Variants in GRM8 observed in about 807,000 individuals in gnomAD.
The protein encoded by GRM8 is metabotropic glutamate receptor 8.
In GRM8, 47 loss-of-function variants were observed where a neutral mutation model predicts 87.2. The observed-to-expected ratio is 0.54, with a 90% CI of 0.43 to 0.69. The LOEUF is 0.69. GRM8 is among the 30% of genes least tolerant of loss of function. The pLI, the probability that GRM8 is intolerant of heterozygous loss-of-function variation, is 0.00. For missense variants in GRM8, 1,019 were observed against 1,139.2 expected, an observed-to-expected ratio of 0.89 and a Z score of 1.52; for synonymous variants, 396 against 404.5, an observed-to-expected ratio of 0.98 and a Z score of 0.25.
chr7:127,096,355 T>C (rs943000309), intron 3 of GRM8, among the ~76,000 whole-genome samples: 2 of 151,476 alleles, frequency 1.3e-5, no homozygotes, highest in African/African-American at 4.9e-5. Context: ...AGGTCAGGAG[T>C]TCAAGACCAG....
chr7:126,892,378 C>T (rs1801125956), intron 6 of GRM8, among the ~76,000 whole-genome samples: 1 of 152,064 alleles, frequency 6.6e-6, no homozygotes, highest in Non-Finnish European at 1.5e-5. Context: ...TGAGTGAGAA[C>T]ACGCGGTGTT....
chr7:127,015,215 A>G lies in GRM8; in HGVS notation c.727+91281T>C, dbSNP rs555218761. ...GAAGAAGAAGAAGAAGAAGAAGAAG[A>G]AGAAGAAGAAGAAGAAGAAGAAGAA... On this transcript the variant is annotated intron_variant, in intron 3 of 10. Transcript: ENST00000339582. Among the ~76,000 whole-genome samples the G allele has an allele frequency of 1.0e-3, 141 of 134,730 alleles. 2 individuals are homozygous for G. The highest frequency in any genetic ancestry group is 3.7e-3 in the African/African-American group (124 of 33,850). 88.4% of individuals were successfully genotyped at this position (134,730 alleles called of 152,430 possible).
chr7:127,158,220 C>T (rs984713269), intron 2 of GRM8, among the ~76,000 whole-genome samples: 1 of 152,138 alleles, frequency 6.6e-6, no homozygotes, highest in African/African-American at 2.4e-5. Flanking sequence ...AGAGAGTACA[C>T]CATTGAGACC....
intron 7 of GRM8, among the ~76,000 whole-genome samples, chr7:126,727,193 T>C (rs1813088645): frequency 6.6e-6 from 1 of 151,862 alleles, no homozygotes; most frequent in Non-Finnish European, 1.5e-5. Context: ...TATATCAATA[T>C]ATAGGTTCAA....
chr7:126,905,927 A>G (rs1441444823), intron 3 of GRM8, among the ~76,000 whole-genome samples: 1 of 152,194 alleles, frequency 6.6e-6, no homozygotes, highest in Non-Finnish European at 1.5e-5. Context: ...ATCATGGCCT[A>G]TGGTAGAGAC....
intron 8 of GRM8, among the ~76,000 whole-genome samples, chr7:126,564,876 C>T (rs948941928): frequency 6.6e-6 from 1 of 152,144 alleles, no homozygotes; most frequent in Non-Finnish European, 1.5e-5. Context: ...GGATCATACA[C>T]CATGGCCAAT....
At chr7:126,971,755 C>T (rs1242074608) in intron 3 of GRM8, among the ~76,000 whole-genome samples, 1 of 152,058 alleles carries the variant, frequency 6.6e-6, no homozygotes, top group Non-Finnish European at 1.5e-5. Flanking sequence ...GTATAGAGAC[C>T]AAATAGCAAC....
intron 3 of GRM8, among the ~76,000 whole-genome samples, chr7:127,012,099 G>A (rs954236303): frequency 2.0e-5 from 3 of 152,086 alleles, no homozygotes; most frequent in African/African-American, 7.2e-5. Context: ...AGCTCTCTGC[G>A]CTTAACTGTC....
intron 3 of GRM8, among the ~76,000 whole-genome samples, chr7:127,056,126 TTTAAG>T (rs113150720): frequency 0.08 from 12,131 of 152,218 alleles, 517 homozygotes; most frequent in South Asian, 0.13. Context: ...GTTTCATTAA[TTTAAG>T]TTATTTCAGG....
intron 7 of GRM8, among the ~76,000 whole-genome samples, chr7:126,690,305 G>T (rs1435403929): frequency 6.6e-6 from 1 of 152,230 alleles, no homozygotes; most frequent in Non-Finnish European, 1.5e-5. Context: ...AGGGGTATGT[G>T]AGCAAGCAAG....
chr7:126,941,031 G>A (rs191381678), intron 3 of GRM8, among the ~76,000 whole-genome samples: 7 of 152,226 alleles, frequency 4.6e-5, no homozygotes, highest in East Asian at 3.9e-4. Flanking sequence ...AATCATCTCC[G>A]CAGCAGGTTT....
At chr7:126,631,268 A>G (rs1328590036) in intron 7 of GRM8, among the ~76,000 whole-genome samples, 1 of 152,132 alleles carries the variant, frequency 6.6e-6, no homozygotes, top group Non-Finnish European at 1.5e-5. Flanking sequence ...ATCATGTATG[A>G]ACTCCCTTTC....
chr7:127,044,010 C>T (rs1818690967), intron 3 of GRM8, among the ~76,000 whole-genome samples: 2 of 152,136 alleles, frequency 1.3e-5, no homozygotes, highest in South Asian at 4.1e-4. Context: ...CTTCTTAGGA[C>T]CTAATTTTCT....
rs149008910 is a variant in GRM8 at position 126,448,408 on chromosome 7, T to C, written c.2431-2036A>G. Reference sequence around the variant, plus strand: ...AAATATTTTTGTAATAAACATCCTATACATTTTCTCTGTTACCAAAAATAT... The same window carrying C: ...AAATATTTTTGTAATAAACATCCTACACATTTTCTCTGTTACCAAAAATAT... On this transcript the variant is annotated intron_variant, in intron 9 of 10. Transcript: ENST00000339582. 3.6e-3 allele frequency among the ~76,000 whole-genome samples: 553 copies of C among 152,064 alleles called. 5 individuals carry two copies. Among genetic ancestry groups the C allele is most frequent in the African/African-American group, 0.013 (529 of 41,524 alleles).
At chr7:126,523,597 A>C (rs1470794823) in intron 9 of GRM8, among the ~76,000 whole-genome samples, 1 of 151,444 alleles carries the variant, frequency 6.6e-6, no homozygotes, top group Non-Finnish European at 1.5e-5. Flanking sequence ...TCCCAGGTTC[A>C]AGTTATTCTC....
intron 3 of GRM8, among the ~76,000 whole-genome samples, chr7:126,923,506 T>C (rs1196725925): frequency 6.6e-6 from 1 of 152,224 alleles, no homozygotes; most frequent in East Asian, 1.9e-4. Flanking sequence ...ATATTATCTT[T>C]GTTGCTATAA....
chr7:127,249,427 A>G (rs1798744876), intron 1 of GRM8, among the ~76,000 whole-genome samples: 1 of 152,180 alleles, frequency 6.6e-6, no homozygotes, highest in Non-Finnish European at 1.5e-5. Context: ...TTTATTTACC[A>G]AAGAAATATC....
chr7:126,675,648 T>C lies in GRM8; in HGVS notation c.1358-66150A>G, dbSNP rs538993707. ...AGAAGTACTAACAAAAACCATATGA[T>C]CATCTCAATAGATGCAGAAAAATAT... is the stretch of plus-strand genomic sequence containing the variant. On this transcript the variant is annotated intron_variant, in intron 7 of 10. Coordinates refer to ENST00000339582, the MANE Select transcript of GRM8 (RefSeq NM_000845.3). Among the ~76,000 whole-genome samples, 4 of 152,304 alleles carry C rather than the reference T, an allele frequency of 2.6e-5. No homozygotes were observed. The East Asian group carries it at 7.7e-4, about 29-fold the overall frequency.
intron 8 of GRM8, among the ~76,000 whole-genome samples, chr7:126,546,363 C>T (rs944414715): frequency 2.0e-5 from 3 of 152,146 alleles, no homozygotes; most frequent in Non-Finnish European, 4.4e-5. Context: ...TCAATGCTCC[C>T]GGGGCAGTGC....
Sources: allele counts gnomAD v4.1 joint callset (sites outside exome capture counted in the v4.1 genomes callset), GRCh38; gene constraint gnomAD v4.1.1; transcripts MANE v1.5; gene names NCBI Gene and HGNC (gene_info 2026-07-23, HGNC 2026-07-21).